SLC30A4: variants seen among roughly 807,000 people sequenced by gnomAD.
SLC30A4 encodes the protein solute carrier family 30 member 4, also known as probable proton-coupled zinc antiporter SLC30A4.
Under a neutral mutation model 41.7 loss-of-function variants are expected in SLC30A4, and 20 were observed. The observed-to-expected ratio is 0.48, with a 90% CI of 0.34 to 0.70. The LOEUF is 0.70. Ranked by LOEUF, SLC30A4 falls within the 30% of genes least tolerant of loss-of-function variation. SLC30A4 has a pLI of 0.01. For missense variants in SLC30A4, 441 were observed against 529.3 expected (o/e 0.83, Z 1.64); for synonymous variants, 181 against 195.9 (o/e 0.92, Z 0.64).
rs955541813 is a variant in SLC30A4, at chr15:45,495,146, C to CA, written c.539-4266dup. Among the ~76,000 whole-genome samples the CA allele has an allele frequency of 2.1e-3, 237 of 114,144 alleles. 1 individual carries two copies. The highest frequency in any genetic ancestry group is 0.013 in the South Asian group (48 of 3,750). 74.9% of individuals were successfully genotyped at this position (114,144 alleles called of 152,430 possible). A position where few individuals can be genotyped will look rare whatever the true frequency, so the allele number is the denominator to read the frequency against. On this transcript the variant is annotated intron_variant, in intron 3 of 7. Transcript: ENST00000261867. ...GGGTGAGAGTGAGACCCCTGTCTCT[C>CA]AAAAAAAAAAAAAATTACAAAGCAA...
chr15:45,503,449 T>C (rs1892083178), intron 3 of SLC30A4, among the ~76,000 whole-genome samples: 1 of 151,748 alleles, frequency 6.6e-6, no homozygotes, highest in Non-Finnish European at 1.5e-5. Context: ...AAACCCCGTC[T>C]CTACCAAAAT....
chr15:45,502,629 G>A (rs1892062280), intron 3 of SLC30A4: 1 of 152,524 alleles, frequency 6.6e-6, no homozygotes, highest in South Asian at 2.1e-4. Context: ...TGATCCTCCT[G>A]TCTTGGCCTC....
At chr15:45,504,832 G>T (rs1020413897) in intron 3 of SLC30A4, among the ~76,000 whole-genome samples, 12 of 152,176 alleles carry the variant, frequency 7.9e-5, no homozygotes, top group Admixed American at 7.9e-4. Context: ...CAAACTGGTA[G>T]GAAGTTAGGG....
At position 45,487,625 on chromosome 15, in the gene SLC30A4, T is replaced by G. The variant is rs1159013197; in HGVS notation, c.902A>C (p.Tyr301Ser). 2.0e-6 allele frequency: 3 copies of G among 1,501,760 alleles called. No homozygotes were observed. 93.0% of individuals were successfully genotyped at this position (1,501,760 alleles called of 1,614,324 possible). Residue 301 changes from tyrosine to serine, a missense_variant, in exon 6 of 8, where the codon TAC becomes TCC. Coordinates refer to ENST00000261867, the MANE Select transcript of SLC30A4 (RefSeq NM_013309.6). ...TGTACAGATGGGGTCAGCAATCTTG[T>G]ATTCTGGCTAAAGGGTAATAGATCA... ...AAYIIRFKPE[Y>S]KIADPICTYV...
At position 45,522,378 on chromosome 15, in the gene SLC30A4, G is replaced by A; in HGVS notation, c.-24C>T. 2.5e-6 allele frequency: 4 copies of A among 1,578,196 alleles called. No homozygotes were observed. Among genetic ancestry groups the A allele is most frequent in the Non-Finnish European group, 3.4e-6 (4 of 1,165,442 alleles). ...ATGGCAGAGGCTGAGCGGCCGCGGTGCGGAACGGCTTGGGGGAGGCGGACG... is the reference window on the plus strand; with the variant it reads ...ATGGCAGAGGCTGAGCGGCCGCGGTACGGAACGGCTTGGGGGAGGCGGACG... On this transcript the variant is annotated 5_prime_UTR_variant, in exon 2 of 8. Transcript: ENST00000261867.
intron 3 of SLC30A4, among the ~76,000 whole-genome samples, chr15:45,503,373 C>G (rs1176662117): frequency 1.3e-5 from 2 of 152,114 alleles, no homozygotes; most frequent in Non-Finnish European, 2.9e-5. Flanking sequence ...AATCCCAGCA[C>G]TTTGGGAGGC....
chr15:45,521,018 G>C (rs890745285), intron 2 of SLC30A4: 5 of 466,830 alleles, frequency 1.1e-5, no homozygotes, highest in South Asian at 1.6e-5. Context: ...GGAGTGTTAT[G>C]AAAGAAGGTA....
chr15:45,505,582 T>G (rs1424546946), intron 3 of SLC30A4, among the ~76,000 whole-genome samples: 2 of 152,214 alleles, frequency 1.3e-5, no homozygotes, highest in Non-Finnish European at 2.9e-5. Flanking sequence ...GTTCTCCTCC[T>G]TTAAGCTCTG....
chr15:45,486,212 G>A (rs1233773895), intron 7 of SLC30A4, among the ~76,000 whole-genome samples: 4 of 151,682 alleles, frequency 2.6e-5, no homozygotes, highest in African/African-American at 4.8e-5. Context: ...TAGTAGAGAC[G>A]GGGTTTCACC....
At chr15:45,501,239 C>G (rs562662799) in intron 3 of SLC30A4, among the ~76,000 whole-genome samples, 331 of 151,722 alleles carry the variant, frequency 2.2e-3, no homozygotes, top group African/African-American at 7.1e-3. Context: ...ACCTGGGAGG[C>G]GGAGCTTGCA....
chr15:45,496,003 A>AT, intron 3 of SLC30A4, among the ~76,000 whole-genome samples: 1 of 152,320 alleles, frequency 6.6e-6, no homozygotes, highest in East Asian at 1.9e-4. Flanking sequence ...GGATATAGAC[A>AT]TATATCCCAA....
At chr15:45,505,870 CTG>C (rs1260080425) in intron 3 of SLC30A4, among the ~76,000 whole-genome samples, 1 of 152,098 alleles carries the variant, frequency 6.6e-6, no homozygotes, top group East Asian at 1.9e-4. Flanking sequence ...CAAGACTTCT[CTG>C]TGTTTTCTTT....
At chr15:45,485,397 A>C (rs1891678833) in intron 7 of SLC30A4, 80 bp from the exon 8 acceptor site, 1 of 892,820 alleles carries the variant, frequency 1.1e-6, no homozygotes, top group Non-Finnish European at 1.7e-6. Flanking sequence ...AACAACTGAA[A>C]TATACTGGGA....
At position 45,480,361 on chromosome 15, in the gene SLC30A4, C is replaced by T. The variant is rs890245433; in HGVS notation, c.*4802G>A. 6.6e-6 allele frequency: 1 copy of T among 152,162 alleles called. No homozygotes were observed. Among genetic ancestry groups the T allele is most frequent in the Non-Finnish European group, 1.5e-5 (1 of 68,024 alleles). 9.4% of individuals were successfully genotyped at this position (152,162 alleles called of 1,614,324 possible). A position where few individuals can be genotyped will look rare whatever the true frequency, so the allele number is the denominator to read the frequency against. ...CATCACAAATAATATACCTGATTGG[C>T]AATCAGTAAAACAAATCTCAAGACC... is the stretch of plus-strand genomic sequence containing the variant. On this transcript the variant is annotated 3_prime_UTR_variant, in exon 8 of 8. Transcript: ENST00000261867.
intron 2 of SLC30A4, among the ~76,000 whole-genome samples, chr15:45,516,741 G>A (rs1892491221): frequency 6.6e-6 from 1 of 152,022 alleles, no homozygotes; most frequent in Admixed American, 6.6e-5. Context: ...GTGATGGTGT[G>A]CACCTGTAGT....
At chr15:45,488,673 T>G (rs1442293417) in intron 5 of SLC30A4, among the ~76,000 whole-genome samples, 168 bp downstream of exon 5, 3 of 152,220 alleles carry the variant, frequency 2.0e-5, no homozygotes, top group Admixed American at 2.0e-4. Flanking sequence ...GTGATATCAT[T>G]TTGTTTACTG....
rs933684935 is a variant in SLC30A4 at position 45,485,271 on chromosome 15, G to T, written c.1182C>A (p.Asn394Lys). Reference sequence around the variant, plus strand: ...TGCCAAATGTGTTCAATAATAAATGGTTTGCTTTGGACTGTACTTCCTCCC... The same window carrying T: ...TGCCAAATGTGTTCAATAATAAATGTTTTGCTTTGGACTGTACTTCCTCCC... ...SKWEEVQSKA[N>K]HLLLNTFGMY... The change falls in exon 8 of 8, where the codon AAC (asparagine) becomes AAA (lysine). Residue 394 changes from asparagine to lysine, a missense_variant. Coordinates refer to ENST00000261867, the MANE Select transcript of SLC30A4 (RefSeq NM_013309.6). The T allele has an allele frequency of 3.7e-6, 6 of 1,611,784 alleles. No individual in the cohort carries two copies. The highest frequency in any genetic ancestry group is 3.3e-5 in the South Asian group (3 of 90,828).
At chr15:45,506,663 G>A (rs1424418039) in intron 3 of SLC30A4, among the ~76,000 whole-genome samples, 1 of 152,040 alleles carries the variant, frequency 6.6e-6, no homozygotes, top group African/African-American at 2.4e-5. Context: ...GTGAAATAAG[G>A]TCTATATCTA....
At chr15:45,514,329 C>G (rs1892397872) in intron 2 of SLC30A4, among the ~76,000 whole-genome samples, 1 of 147,762 alleles carries the variant, frequency 6.8e-6, no homozygotes, top group African/African-American at 2.5e-5. Context: ...CCATTGTACT[C>G]CAGCCTGGGC....
Sources: allele counts gnomAD v4.1 joint callset (sites outside exome capture counted in the v4.1 genomes callset), GRCh38; gene constraint gnomAD v4.1.1; transcripts MANE v1.5; gene names NCBI Gene and HGNC (gene_info 2026-07-23, HGNC 2026-07-21).